The following DACH1 variants were observed in gnomAD, a reference collection of about 807,000 sequenced individuals.
The protein encoded by DACH1 is dachshund family transcription factor 1.
Under a neutral mutation model 54.2 loss-of-function variants are expected in DACH1, and 12 were observed. That is an observed-to-expected ratio of 0.22 (90% CI 0.14 to 0.36). DACH1 has a LOEUF of 0.36. Ranked by LOEUF, DACH1 falls within the 10% of genes least tolerant of loss-of-function variation. The pLI is 1.00. For synonymous variants in DACH1, 386 were observed against 366.2 expected (o/e 1.05, Z -0.62); for missense variants, 805 against 929.8 (o/e 0.87, Z 1.75).
intron 1 of DACH1, among the ~76,000 whole-genome samples, chr13:71,791,057 A>G (rs1886808895): frequency 6.6e-6 from 1 of 152,238 alleles, no homozygotes; most frequent in Admixed American, 6.5e-5. Flanking sequence ...AAACCCTGAC[A>G]TGACAACGAT....
At chr13:71,843,344 C>T (rs910710565) in intron 1 of DACH1, among the ~76,000 whole-genome samples, 5 of 152,128 alleles carry the variant, frequency 3.3e-5, no homozygotes, top group Non-Finnish European at 7.4e-5. Flanking sequence ...TGGCTCACCA[C>T]AACCTCAACC....
At chr13:71,581,338 C>T (rs1566356860) in intron 3 of DACH1, among the ~76,000 whole-genome samples, 1 of 152,156 alleles carries the variant, frequency 6.6e-6, no homozygotes, top group East Asian at 1.9e-4. Flanking sequence ...AATCTCAGCT[C>T]ACTGCAACCT....
intron 6 of DACH1, among the ~76,000 whole-genome samples, chr13:71,512,947 T>A (rs1880893687): frequency 6.6e-6 from 1 of 151,876 alleles, no homozygotes; most frequent in Non-Finnish European, 1.5e-5. Context: ...TTGACATAGA[T>A]GCTTTAGAGA....
At chr13:71,721,262 T>C (rs1297805937) in intron 1 of DACH1, among the ~76,000 whole-genome samples, 1 of 152,138 alleles carries the variant, frequency 6.6e-6, no homozygotes, top group African/African-American at 2.4e-5. Flanking sequence ...ACCTACATAA[T>C]ATTAAGCAGA....
chr13:71,565,229 T>G (rs1254500203), intron 4 of DACH1, among the ~76,000 whole-genome samples: 1 of 152,140 alleles, frequency 6.6e-6, no homozygotes, highest in Non-Finnish European at 1.5e-5. Context: ...TCATATAACT[T>G]TTAATTTATA....
intron 10 of DACH1, among the ~76,000 whole-genome samples, chr13:71,450,859 T>A (rs771946362): frequency 1.3e-5 from 2 of 152,162 alleles, no homozygotes; most frequent in Non-Finnish European, 2.9e-5. Context: ...AAGCCCTAAC[T>A]TCATTCTGTT....
intron 1 of DACH1, among the ~76,000 whole-genome samples, chr13:71,802,033 G>C (rs1212883809): frequency 6.6e-6 from 1 of 152,036 alleles, no homozygotes; most frequent in East Asian, 1.9e-4. Context: ...CCCTGCTCTT[G>C]TTAATTTGCT....
chr13:71,760,774 TTC>T (rs544024968), intron 1 of DACH1, among the ~76,000 whole-genome samples: 2 of 152,194 alleles, frequency 1.3e-5, no homozygotes, highest in Non-Finnish European at 2.9e-5. Context: ...TGTGTCTTTT[TTC>T]TCTCTCTCTT....
intron 1 of DACH1, among the ~76,000 whole-genome samples, chr13:71,747,217 T>C (rs1331996863): frequency 6.6e-6 from 1 of 151,930 alleles, no homozygotes; most frequent in Admixed American, 6.6e-5. Context: ...TCATGTAATG[T>C]AGTCCACACA....
intron 3 of DACH1, among the ~76,000 whole-genome samples, chr13:71,581,479 A>T (rs1480993247): frequency 1.3e-5 from 2 of 152,128 alleles, no homozygotes; most frequent in African/African-American, 4.8e-5. Context: ...CTGGTCTCGA[A>T]GTCCTGACCT....
chr13:71,853,343 C>T (rs1338731111), intron 1 of DACH1, among the ~76,000 whole-genome samples: 1 of 152,164 alleles, frequency 6.6e-6, no homozygotes, highest in Admixed American at 6.5e-5. Context: ...CTCTGCTTTA[C>T]TTTAATGCAT....
intron 8 of DACH1, among the ~76,000 whole-genome samples, chr13:71,477,022 TAAC>T (rs1013708150): frequency 5.6e-5 from 8 of 143,320 alleles, no homozygotes; most frequent in Non-Finnish European, 9.0e-5. Context: ...TATAAAATAA[TAAC>T]GACTCAAGTA....
chr13:71,516,481 T>C (rs1289760850), intron 6 of DACH1, among the ~76,000 whole-genome samples: 1 of 151,928 alleles, frequency 6.6e-6, no homozygotes, highest in Non-Finnish European at 1.5e-5. Flanking sequence ...TTTAGCAGCA[T>C]GTTTAAACTA....
chr13:71,463,578 A>T (rs950906561), intron 10 of DACH1, among the ~76,000 whole-genome samples: 4 of 151,966 alleles, frequency 2.6e-5, no homozygotes, highest in East Asian at 1.9e-4. Flanking sequence ...AGGAACTCAA[A>T]GATTCTGGAT....
At position 71,848,044 on chromosome 13, in the gene DACH1, T is replaced by G. The variant is rs550278415; in HGVS notation, c.848+17878A>C. On this transcript the variant is annotated intron_variant, in intron 1 of 10. Coordinates refer to ENST00000613252, the MANE Select transcript of DACH1 (RefSeq NM_080759.6). ...CGCTTGGTACAGAATAATTATAAAT[T>G]TTGTATTTAGTTTAAGAAAATTCTG... is the stretch of plus-strand genomic sequence containing the variant. Among the ~76,000 whole-genome samples the G allele has an allele frequency of 4.6e-5, 7 of 152,206 alleles. No homozygotes were observed. In the South Asian group the frequency reaches 1.5e-3, roughly 32 times the overall value.
intron 4 of DACH1, among the ~76,000 whole-genome samples, chr13:71,572,575 T>G (rs1885278602): frequency 6.6e-6 from 1 of 152,130 alleles, no homozygotes; most frequent in South Asian, 2.1e-4. Context: ...ACTACCTATG[T>G]AAGAACACAC....
At chr13:71,747,524 T>A (rs1884649303) in intron 1 of DACH1, among the ~76,000 whole-genome samples, 2 of 152,102 alleles carry the variant, frequency 1.3e-5, no homozygotes, top group Admixed American at 1.3e-4. Flanking sequence ...GAGGTTGCAG[T>A]GAGCAGAGAT....
At chr13:71,585,982 A>G (rs960306609) in intron 3 of DACH1, among the ~76,000 whole-genome samples, 1 of 152,206 alleles carries the variant, frequency 6.6e-6, no homozygotes, top group African/African-American at 2.4e-5. Flanking sequence ...TTTCAGAGCC[A>G]GCCATGACAA....
intron 6 of DACH1, among the ~76,000 whole-genome samples, chr13:71,491,435 T>C (rs1182973871): frequency 6.6e-6 from 1 of 152,188 alleles, no homozygotes; most frequent in Non-Finnish European, 1.5e-5. Flanking sequence ...GCTGTTTTAA[T>C]GGAACGCTCA....
Sources: allele counts gnomAD v4.1 joint callset (sites outside exome capture counted in the v4.1 genomes callset), GRCh38; gene constraint gnomAD v4.1.1; transcripts MANE v1.5; gene names NCBI Gene and HGNC (gene_info 2026-07-23, HGNC 2026-07-21).